Variants in CMYA5 observed in about 807,000 individuals in gnomAD.
CMYA5 encodes cardiomyopathy associated 5.
A neutral mutation model predicts 318.9 loss-of-function variants in CMYA5; 246 were observed. The ratio of observed to expected loss-of-function variants is 0.77; its 90% CI spans 0.70 to 0.86. The LOEUF (loss-of-function observed/expected upper bound fraction) is 0.86. Among genes scored for constraint, CMYA5 ranks in the 40% least tolerant of loss-of-function variants. The pLI is 0.00. For missense variants in CMYA5, 4,589 were observed against 4,678.2 expected, an observed-to-expected ratio of 0.98 and a Z score of 0.56; for synonymous variants, 1,641 against 1,729.5, an observed-to-expected ratio of 0.95 and a Z score of 1.27.
chr5:79,705,354 C>T (rs1827250183), intron 1 of CMYA5, among the ~76,000 whole-genome samples: 1 of 151,950 alleles, frequency 6.6e-6, no homozygotes, highest in African/African-American at 2.4e-5. Context: ...CCAAAAGAAC[C>T]CCTTAAAACT....
At position 79,729,009 on chromosome 5, in the gene CMYA5, G is replaced by A. The variant is rs747362960; in HGVS notation, c.244G>A (p.Gly82Arg). 4.3e-6 allele frequency: 7 copies of A among 1,613,916 alleles called. No individual in the cohort carries two copies. Among genetic ancestry groups the A allele is most frequent in the Non-Finnish European group, 5.9e-6 (7 of 1,179,838 alleles). Residue 82 changes from glycine (G) to arginine (R), a missense_variant, in exon 2 of 13, where the codon GGG (glycine) becomes AGG (arginine). Around this residue, in one of 3 missense-constraint regions of CMYA5, gnomAD observed 2,132 missense variants for 2,131.3 expected, o/e 1.00. Coordinates refer to ENST00000446378, the MANE Select transcript of CMYA5 (RefSeq NM_153610.5). ...SMVTVQREDSGITWETNSSRS... is the reference protein window; with the variant it reads ...SMVTVQREDSRITWETNSSRS... Reference sequence around the variant, plus strand: ...GGTGACAGTCCAAAGGGAAGATAGTGGGATAACCTGGGAAACCAATTCAAG... The same window carrying A: ...GGTGACAGTCCAAAGGGAAGATAGTAGGATAACCTGGGAAACCAATTCAAG...
intron 9 of CMYA5, among the ~76,000 whole-genome samples, chr5:79,768,615 A>G (rs1304401244): frequency 6.6e-6 from 1 of 152,172 alleles, no homozygotes; most frequent in Non-Finnish European, 1.5e-5. Flanking sequence ...AATGTTGAAT[A>G]TTGGCCCCCA....
chr5:79,725,383 T>C (rs1827724086), intron 1 of CMYA5, among the ~76,000 whole-genome samples: 1 of 152,196 alleles, frequency 6.6e-6, no homozygotes, highest in Non-Finnish European at 1.5e-5. Context: ...AAATATCACA[T>C]GTTCTCACTT....
chr5:79,762,153 A>G (rs1828665550), intron 8 of CMYA5, 196 bp downstream of exon 8: 2 of 519,730 alleles, frequency 3.8e-6, no homozygotes, highest in Non-Finnish European at 6.5e-6. Flanking sequence ...ATGGAAAAAC[A>G]GAGGATCATA....
chr5:79,767,751 A>G (rs1018370332), intron 9 of CMYA5, among the ~76,000 whole-genome samples: 3 of 152,278 alleles, frequency 2.0e-5, no homozygotes, highest in South Asian at 2.1e-4. Context: ...AATAAGTGCA[A>G]TGTGGTGCTG....
At position 79,737,851 on chromosome 5, in the gene CMYA5, A is replaced by G; in HGVS notation, c.9086A>G (p.Glu3029Gly). Residue 3029 changes from glutamate (E) to glycine (G), a missense_variant, in exon 2 of 13, where the codon GAA becomes GGA. Around this residue, in one of 3 missense-constraint regions of CMYA5, gnomAD observed 2,431 missense variants for 2,495.1 expected, o/e 0.97. Coordinates refer to ENST00000446378, the MANE Select transcript of CMYA5 (RefSeq NM_153610.5). ...NKQKETHKTKEEISTDSETDL... is the reference protein window; with the variant it reads ...NKQKETHKTKGEISTDSETDL... Reference sequence around the variant, plus strand: ...CAAAAGGAAACTCATAAGACAAAAGAAGAGATATCCACAGATTCAGAAACT... The same window carrying G: ...CAAAAGGAAACTCATAAGACAAAAGGAGAGATATCCACAGATTCAGAAACT... The G allele has an allele frequency of 6.2e-7, 1 of 1,600,744 alleles. No homozygotes were observed.
rs1828083315 is a variant in CMYA5, at chr5:79,736,864, A to G, written c.8099A>G (p.Glu2700Gly). The change falls in exon 2 of 13, where the codon GAA becomes GGA. Residue 2700 changes from glutamate to glycine, a missense_variant. Transcript: ENST00000446378. ...GAAACTGTGAAACAAGGATTTCAAG[A>G]AAAGGCAGTAGGAACCCAACCACGT... is the stretch of plus-strand genomic sequence containing the variant. ...TKETVKQGFQ[E>G]KAVGTQPRPL... 6.2e-7 allele frequency: 1 copy of G among 1,609,746 alleles called. No individual in the cohort carries two copies. Among genetic ancestry groups the G allele is most frequent in the Non-Finnish European group, 8.5e-7 (1 of 1,178,942 alleles).
chr5:79,712,740 C>A (rs892961863), intron 1 of CMYA5, among the ~76,000 whole-genome samples: 10 of 152,060 alleles, frequency 6.6e-5, no homozygotes, highest in African/African-American at 2.4e-4. Context: ...CAGATTTCTT[C>A]TACTTTTTGG....
At position 79,799,864 on chromosome 5, in the gene CMYA5, CTAAATTAA is replaced by C; in HGVS notation, c.*249_*256del. On this transcript the variant is annotated 3_prime_UTR_variant, in exon 13 of 13. Coordinates refer to ENST00000446378, the MANE Select transcript of CMYA5 (RefSeq NM_153610.5). ...AGTTTATATAAGTTTGAGTTCTTTC[CTAAATTAA>C]AAGATCTACACTTGAGTTGGGAACC... The C allele has an allele frequency of 5.0e-6, 1 of 199,846 alleles. No homozygotes were observed. The highest frequency in any genetic ancestry group is 9.2e-6 in the Non-Finnish European group (1 of 108,246). The allele number at this position is 199,846 out of a possible 1,614,324, so 12.4% of individuals were successfully genotyped here. A position where few individuals can be genotyped will look rare whatever the true frequency, so the allele number is the denominator to read the frequency against.
Position 79,730,738 on chromosome 5 carries a change from C to A in CMYA5, c.1973C>A (p.Thr658Asn), listed in dbSNP as rs1192321803. Reference sequence around the variant, plus strand: ...GAGAGCTCTCTCTCACCATCCACAACTGAGAAGACTTCAGAGAACCAGTCT... The same window carrying A: ...GAGAGCTCTCTCTCACCATCCACAAATGAGAAGACTTCAGAGAACCAGTCT... ...TSESSLSPSTTEKTSENQSPL... is the reference protein window; with the variant it reads ...TSESSLSPSTNEKTSENQSPL... The change falls in exon 2 of 13, where the codon ACT becomes AAT. Residue 658 changes from threonine to asparagine, a missense_variant. Thr to Asn is a moderately conservative substitution (Grantham distance 65). This residue lies in a region of CMYA5 where 2,132 missense variants were observed against 2,131.3 expected (regional missense o/e 1.00). Transcript: ENST00000446378. The A allele has an allele frequency of 6.2e-7, 1 of 1,613,942 alleles. No homozygotes were observed. The highest frequency in any genetic ancestry group is 1.1e-5 in the South Asian group (1 of 91,078).
intron 1 of CMYA5, among the ~76,000 whole-genome samples, chr5:79,695,204 T>A (rs1827044445): frequency 6.6e-6 from 1 of 152,184 alleles, no homozygotes; most frequent in Non-Finnish European, 1.5e-5. Flanking sequence ...GAGAATCAAG[T>A]ACAAGAGACC....
At chr5:79,785,724 T>G (rs183854341) in intron 9 of CMYA5, among the ~76,000 whole-genome samples, 1 of 152,264 alleles carries the variant, frequency 6.6e-6, no homozygotes, top group East Asian at 1.9e-4. Context: ...TGGTAGTAAT[T>G]TTACCTCCTC....
intron 11 of CMYA5, among the ~76,000 whole-genome samples, chr5:79,792,079 A>G (rs1324064723): frequency 6.6e-6 from 1 of 152,192 alleles, no homozygotes; most frequent in African/African-American, 2.4e-5. Flanking sequence ...TCACATTGCT[A>G]CTTGCCTGTC....
chr5:79,727,815 G>T (rs1483622927), intron 1 of CMYA5, among the ~76,000 whole-genome samples: 1 of 152,110 alleles, frequency 6.6e-6, no homozygotes, highest in Non-Finnish European at 1.5e-5. Context: ...CTAAGATGGG[G>T]GCCCAATAGC....
chr5:79,756,035 C>G (rs1173534604), intron 6 of CMYA5, among the ~76,000 whole-genome samples: 1 of 152,228 alleles, frequency 6.6e-6, no homozygotes, highest in South Asian at 2.1e-4. Flanking sequence ...AAGTAATTCT[C>G]AAATACTGCT....
intron 9 of CMYA5, among the ~76,000 whole-genome samples, chr5:79,763,712 A>G (rs957370045): frequency 1.3e-5 from 2 of 152,184 alleles, no homozygotes; most frequent in African/African-American, 4.8e-5. Context: ...CTAGGAAAAA[A>G]GAAATGTGAC....
intron 1 of CMYA5, among the ~76,000 whole-genome samples, chr5:79,710,743 T>G (rs1012270159): frequency 6.6e-6 from 1 of 152,188 alleles, no homozygotes; most frequent in Admixed American, 6.5e-5. Flanking sequence ...TCTTGAACTT[T>G]CCCCTGAGTT....
chr5:79,764,049 C>T (rs1211881125), intron 9 of CMYA5, among the ~76,000 whole-genome samples: 1 of 151,420 alleles, frequency 6.6e-6, no homozygotes, highest in Non-Finnish European at 1.5e-5. Context: ...GTGTTCAGAA[C>T]ATGCAGGTTT....
rs1827914494 is a variant in CMYA5 at position 79,731,812 on chromosome 5, CAG to C, written c.3051_3052del (p.Asn1019Ter). On this transcript the variant is annotated frameshift_variant, in exon 2 of 13. Coordinates refer to ENST00000446378, the MANE Select transcript of CMYA5 (RefSeq NM_153610.5). LOFTEE classifies it high-confidence loss of function. ...ATCCCTCCCTTTAGAATCTCAGAAA[CAG>C]AGAAAAATGAACTTGAGCCTGATTC... 1 of 1,612,514 alleles carries C rather than the reference CAG, an allele frequency of 6.2e-7. No homozygotes were observed.
Sources: gnomAD v4.1 joint callset for allele counts (sites outside exome capture counted in the v4.1 genomes callset) on GRCh38, gnomAD v4.1.1 for gene constraint, gnomAD v4.1.1 regional missense constraint, MANE v1.5 for transcripts, NCBI Gene and HGNC (gene_info 2026-07-23, HGNC 2026-07-21) for gene names.